Variants in ARHGAP22 observed in about 807,000 individuals in gnomAD.
The protein encoded by ARHGAP22 is Rho GTPase activating protein 22.
In ARHGAP22, 48 loss-of-function variants were observed where a neutral mutation model predicts 59.1. The observed-to-expected ratio is 0.81, with a 90% CI of 0.64 to 1.03. ARHGAP22 has a LOEUF of 1.03. Ranked by LOEUF, ARHGAP22 falls within the 50% of genes least tolerant of loss-of-function variation. ARHGAP22 has a pLI of 0.00. For missense variants in ARHGAP22, 1,015 were observed against 958.7 expected (o/e 1.06, Z -0.78); for synonymous variants, 445 against 416.4 (o/e 1.07, Z -0.84).
At chr10:48,506,103 T>C (rs1490774742) in intron 3 of ARHGAP22, among the ~76,000 whole-genome samples, 1 of 152,212 alleles carries the variant, frequency 6.6e-6, no homozygotes, top group East Asian at 1.9e-4. Context: ...CCTCGGCAGC[T>C]GGGTGGGACC....
chr10:48,561,744 T>A (rs1750485990), intron 2 of ARHGAP22, among the ~76,000 whole-genome samples: 1 of 152,198 alleles, frequency 6.6e-6, no homozygotes, highest in Admixed American at 6.5e-5. Context: ...ATCTTCAACA[T>A]CATTAGTAGT....
At chr10:48,441,482 C>T (rs1421112160), downstream of ARHGAP22, among the ~76,000 whole-genome samples, 70 of 145,628 alleles carry the variant, frequency 4.8e-4, no homozygotes, top group Admixed American at 1.3e-3. Context: ...GACAGAGTCT[C>T]GCTCTGTCAC....
At chr10:48,551,612 G>A (rs878890339) in intron 3 of ARHGAP22, among the ~76,000 whole-genome samples, 10 of 152,214 alleles carry the variant, frequency 6.6e-5, no homozygotes, top group Non-Finnish European at 1.3e-4. Flanking sequence ...CGTCACCTCT[G>A]CCCAAAGCAA....
intron 1 of ARHGAP22, among the ~76,000 whole-genome samples, chr10:48,597,744 G>A (rs1217327067): frequency 1.3e-5 from 2 of 152,224 alleles, no homozygotes; most frequent in African/African-American, 4.8e-5. Context: ...CAGATAAGCA[G>A]GCCATTCACC....
At position 48,450,745 on chromosome 10, in the gene ARHGAP22, T is replaced by C. The variant is rs1292206349; in HGVS notation, c.1384A>G (p.Met462Val). 1.3e-6 allele frequency: 2 copies of C among 1,560,774 alleles called. No individual in the cohort carries two copies. The highest frequency in any genetic ancestry group is 4.8e-5 in the East Asian group (2 of 41,914). The change falls in exon 9 of 10, where the codon ATG becomes GTG. Residue 462 changes from methionine (M) to valine (V), a missense_variant. Coordinates refer to ENST00000249601, the MANE Select transcript of ARHGAP22 (RefSeq NM_021226.4). Reference protein sequence around the residue: ...PIISSGGNWLMNGLSSLRGHR... With the variant: ...PIISSGGNWLVNGLSSLRGHR... ...CCGCGCAGGGAGGACAGCCCGTTCA[T>C]AAGCCAGTTCCCGCCGGAGGAGATG...
intron 3 of ARHGAP22, 54 bp downstream of exon 3, chr10:48,555,409 G>C: frequency 1.3e-6 from 2 of 1,554,960 alleles, no homozygotes; most frequent in Non-Finnish European, 1.8e-6. Context: ...CCCAGGCCAG[G>C]GGCATGGCAA....
chr10:48,582,464 T>C (rs2059175153), intron 2 of ARHGAP22, among the ~76,000 whole-genome samples: 1 of 152,162 alleles, frequency 6.6e-6, no homozygotes, highest in African/African-American at 2.4e-5. Context: ...GCAATTTGGA[T>C]GAAAGGCAGA....
intron 4 of ARHGAP22, among the ~76,000 whole-genome samples, chr10:48,462,731 C>A (rs746764987): frequency 6.6e-6 from 1 of 152,234 alleles, no homozygotes; most frequent in African/African-American, 2.4e-5. Flanking sequence ...CAAGACCAGG[C>A]GCCCCTGCCC....
intron 1 of ARHGAP22, among the ~76,000 whole-genome samples, chr10:48,615,136 T>C (rs1000086254): frequency 3.4e-4 from 52 of 152,282 alleles, no homozygotes; most frequent in African/African-American, 1.3e-3. Flanking sequence ...GTGTGAATGA[T>C]CAGGAAAGAC....
chr10:48,462,181 G>A (rs1273633806), intron 4 of ARHGAP22, among the ~76,000 whole-genome samples: 2 of 148,328 alleles, frequency 1.3e-5, no homozygotes, highest in African/African-American at 2.5e-5. Flanking sequence ...CTGGATGTGC[G>A]CTTATAAACG....
At chr10:48,599,501 C>T (rs11101399) in intron 1 of ARHGAP22, among the ~76,000 whole-genome samples, 20,514 of 152,238 alleles carry the variant, frequency 0.13, 3,720 homozygotes, top group African/African-American at 0.41. Flanking sequence ...GGAAGCTACC[C>T]GAGCCTGCAG....
At chr10:48,621,420 A>G (rs1257492250) in intron 1 of ARHGAP22, among the ~76,000 whole-genome samples, 1 of 152,208 alleles carries the variant, frequency 6.6e-6, no homozygotes, top group Non-Finnish European at 1.5e-5. Context: ...TCAATTACAC[A>G]CTGAATACTT....
chr10:48,621,967 C>T lies in ARHGAP22; in HGVS notation c.52+30267G>A, dbSNP rs999149537. The stretch of plus-strand genomic sequence containing the variant: ...GTTTGATTTTAGTGTAGCCCCTCCT[C>T]CTCTCCTTTGGTTATTCTTTTCATG... On this transcript the variant is annotated intron_variant, in intron 1 of 9. Coordinates refer to the ARHGAP22 transcript ENST00000435790. 9.8e-4 allele frequency among the ~76,000 whole-genome samples: 149 copies of T among 152,272 alleles called. 1 individual carries two copies. Among genetic ancestry groups the T allele is most frequent in the African/African-American group, 3.5e-3 (144 of 41,556 alleles).
At chr10:48,439,660 A>C in the ARHGAP22 span, among the ~76,000 whole-genome samples, 6 of 152,222 alleles carry the variant, frequency 3.9e-5, no homozygotes, top group Non-Finnish European at 8.8e-5. Context: ...CCACTTGGCA[A>C]AAATAAGTAC....
chr10:48,651,470 G>A (rs749005837), intron 1 of ARHGAP22, among the ~76,000 whole-genome samples: 2 of 138,712 alleles, frequency 1.4e-5, no homozygotes, highest in African/African-American at 5.5e-5. Context: ...ACAACAAGCC[G>A]AATCCTCACC....
intron 1 of ARHGAP22, chr10:48,652,224 A>G (rs897464763): frequency 7.6e-5 from 117 of 1,534,652 alleles, no homozygotes; most frequent in Non-Finnish European, 9.2e-5. Flanking sequence ...GAACATAAAA[A>G]AATTCTTACT....
intron 3 of ARHGAP22, among the ~76,000 whole-genome samples, chr10:48,491,790 G>A (rs1333910860): frequency 6.6e-6 from 1 of 152,262 alleles, no homozygotes; most frequent in Admixed American, 6.5e-5. Context: ...CCATTTTAAA[G>A]AGAGGTAACT....
chr10:48,515,074 A>G (rs1194191973), intron 3 of ARHGAP22, among the ~76,000 whole-genome samples: 5 of 152,180 alleles, frequency 3.3e-5, no homozygotes, highest in African/African-American at 1.2e-4. Flanking sequence ...CAAAGTGGCT[A>G]ACATAAATCT....
chr10:48,537,795 T>C (rs1444488623), intron 3 of ARHGAP22, among the ~76,000 whole-genome samples: 1 of 152,080 alleles, frequency 6.6e-6, no homozygotes, highest in African/African-American at 2.4e-5. Context: ...GCCAAGTAAA[T>C]GATACAGCAT....
Sources: allele counts gnomAD v4.1 joint callset (sites outside exome capture counted in the v4.1 genomes callset), GRCh38; gene constraint gnomAD v4.1.1; transcripts MANE v1.5; gene names NCBI Gene and HGNC (gene_info 2026-07-23, HGNC 2026-07-21).